The following BRD4 variants were observed in gnomAD, a reference collection of about 807,000 sequenced individuals.
BRD4 encodes the protein bromodomain-containing protein 4.
In BRD4, 16 loss-of-function variants were observed where a neutral mutation model predicts 142.1. The ratio of observed to expected loss-of-function variants is 0.11; its 90% CI spans 0.08 to 0.17. The LOEUF (loss-of-function observed/expected upper bound fraction) is 0.17, where lower values mean the gene tolerates loss of function less well. Ranked by LOEUF, BRD4 falls within the 10% of genes least tolerant of loss-of-function variation. The pLI is 1.00. For synonymous variants in BRD4, 833 were observed against 707.5 expected (o/e 1.18, Z -2.82); for missense variants, 1,424 against 1,810.9 (o/e 0.79, Z 3.88).
intron 11 of BRD4, chr19:15,247,571 C>T (rs552012969): frequency 2.1e-5 from 5 of 232,694 alleles, no homozygotes; most frequent in African/African-American, 6.6e-5. Flanking sequence ...TGTGCGCGTG[C>T]GTGCGTGTGT....
At chr19:15,318,382 G>A (rs2048033824) in intron 1 of BRD4, among the ~76,000 whole-genome samples, 1 of 152,170 alleles carries the variant, frequency 6.6e-6, no homozygotes, top group African/African-American at 2.4e-5. Flanking sequence ...CCCAATTACA[G>A]AAGTATGAAT....
chr19:15,327,639 C>G (rs2048120339), intron 1 of BRD4, among the ~76,000 whole-genome samples: 1 of 152,082 alleles, frequency 6.6e-6, no homozygotes, highest in African/African-American at 2.4e-5. Context: ...ATGTTCACCA[C>G]TAATGAATGG....
chr19:15,316,135 G>A (rs1300268567), intron 1 of BRD4, among the ~76,000 whole-genome samples: 19 of 116,022 alleles, frequency 1.6e-4, no homozygotes, highest in African/African-American at 5.9e-4. Context: ...CAGACTGGGC[G>A]ACAGAGCGAG....
Position 15,239,109 on chromosome 19 carries a change from C to T in BRD4, c.3732G>A (p.Gln1244=), listed in dbSNP as rs756432777. ...CCTTCTCCTTCTCAGCGTGCTCGGC[C>T]TGAGCCTTCAGGGCCTTCTCACGCT... is the stretch of plus-strand genomic sequence containing the variant. The part of the protein sequence containing the change: ...KEEREKALKA[Q]AEHAEKEKER... The change falls in exon 18 of 20, where the codon CAG becomes CAA. Residue 1244 remains glutamine, a synonymous_variant. Transcript: ENST00000679869. This position sits in a 1 kb window ranked among gnomAD's most constrained non-coding sequence, Gnocchi z 7.4. 6.2e-7 allele frequency: 1 copy of T among 1,609,094 alleles called. No individual in the cohort carries two copies. The highest frequency in any genetic ancestry group is 1.7e-5 in the Admixed American group (1 of 59,948).
intron 1 of BRD4, among the ~76,000 whole-genome samples, chr19:15,312,057 T>C (rs1432380924): frequency 6.6e-6 from 1 of 152,228 alleles, no homozygotes; most frequent in Admixed American, 6.5e-5. Flanking sequence ...CATTTTATGT[T>C]TTGAAACACA....
At position 15,237,726 on chromosome 19, in the gene BRD4, G is replaced by A. The variant is rs909994497; in HGVS notation, c.*651C>T. On this transcript the variant is annotated 3_prime_UTR_variant, in exon 20 of 20. Coordinates refer to ENST00000679869, the MANE Select transcript of BRD4 (RefSeq NM_001379291.1). ...CGAGGGCTACCCACGCAGGACAGTC[G>A]CCTCGCTCCGGATGCCATGGACACA... The A allele has an allele frequency of 1.7e-5, 4 of 232,410 alleles. No individual in the cohort carries two copies. Among genetic ancestry groups the A allele is most frequent in the East Asian group, 6.0e-5 (1 of 16,548 alleles). 14.4% of individuals were successfully genotyped at this position (232,410 alleles called of 1,614,324 possible).
intron 1 of BRD4, among the ~76,000 whole-genome samples, chr19:15,308,715 CTTAAACT>C (rs1328933840): frequency 2.0e-5 from 3 of 150,880 alleles, no homozygotes; most frequent in African/African-American, 7.3e-5. Flanking sequence ...GCTGAAACTC[CTTAAACT>C]TTAAACATCT....
intron 1 of BRD4, among the ~76,000 whole-genome samples, chr19:15,314,517 G>C (rs1422515439): frequency 6.6e-6 from 1 of 152,130 alleles, no homozygotes; most frequent in Non-Finnish European, 1.5e-5. Flanking sequence ...CTATTGGGAG[G>C]AGCCCTCACA....
chr19:15,307,314 G>A (rs1399078896), intron 1 of BRD4, among the ~76,000 whole-genome samples: 1 of 152,190 alleles, frequency 6.6e-6, no homozygotes, highest in Non-Finnish European at 1.5e-5. Flanking sequence ...AACAAGCAGA[G>A]CTAACTCTGA....
chr19:15,271,653 A>G (rs1307466313), intron 2 of BRD4, among the ~76,000 whole-genome samples: 1 of 151,988 alleles, frequency 6.6e-6, no homozygotes, highest in Non-Finnish European at 1.5e-5. Flanking sequence ...AGCTCCCCCA[A>G]CAGTCTCCCT....
chr19:15,273,597 A>G (rs1384703652), intron 1 of BRD4, among the ~76,000 whole-genome samples: 1 of 152,260 alleles, frequency 6.6e-6, no homozygotes, highest in Non-Finnish European at 1.5e-5. Context: ...AGCAAAGTCA[A>G]TCATTTCATT....
rs112419109 is a variant in BRD4 at position 15,303,438 on chromosome 19, A to G, written c.-35+28852T>C. ...GGGGGAGAAGACGGTTAGGCAACACAGTGCCAAATTCAAAACTCCGTACTA... is the reference window on the plus strand; with the variant it reads ...GGGGGAGAAGACGGTTAGGCAACACGGTGCCAAATTCAAAACTCCGTACTA... On this transcript the variant is annotated intron_variant, in intron 1 of 19. Coordinates refer to ENST00000679869, the MANE Select transcript of BRD4 (RefSeq NM_001379291.1). Among the ~76,000 whole-genome samples the G allele has an allele frequency of 6.1e-3, 934 of 152,314 alleles. 11 individuals are homozygous for G. Among genetic ancestry groups the G allele is most frequent in the African/African-American group, 0.021 (886 of 41,554 alleles).
rs764553987 is a variant in BRD4, at chr19:15,239,484, TCACAGGCCTCCCGACATC to T, written c.3466_3483del (p.Asp1156_Val1161del). On this transcript the variant is annotated inframe_deletion, in exon 17 of 20. Transcript: ENST00000679869. The surrounding 1 kb of genome is among the most constrained non-coding windows in gnomAD (Gnocchi z 7.4). Reference sequence around the variant, plus strand: ...GGTGCGTTCTGCTCTGGGGGCCGGATCACAGGCCTCCCGACATCCACAGGCTTCATTTCCGGCCCTGGA... The same window carrying T: ...GGTGCGTTCTGCTCTGGGGGCCGGATCACAGGCTTCATTTCCGGCCCTGGA... 1.2e-6 allele frequency: 2 copies of T among 1,613,972 alleles called. No homozygotes were observed. Among genetic ancestry groups the T allele is most frequent in the Non-Finnish European group, 1.7e-6 (2 of 1,179,984 alleles).
At chr19:15,247,813 G>A in intron 11 of BRD4, 1 of 232,422 alleles carries the variant, frequency 4.3e-6, no homozygotes, top group Non-Finnish European at 8.5e-6. Flanking sequence ...GAGCTTAACT[G>A]GAAGCTGGAT....
At position 15,237,254 on chromosome 19, in the gene BRD4, G is replaced by C. The variant is rs1222960818; in HGVS notation, c.*1123C>G. On this transcript the variant is annotated 3_prime_UTR_variant, in exon 20 of 20. Transcript: ENST00000679869. The stretch of plus-strand genomic sequence containing the variant: ...AAAGCCAACAAATGGGTGGGGGGGG[G>C]GGGGGTGGAGGGGAAAGAAAAGAAA... 1 of 114,874 alleles carries C rather than the reference G, an allele frequency of 8.7e-6. No individual in the cohort carries two copies. The highest frequency in any genetic ancestry group is 4.4e-4 in the South Asian group (1 of 2,250). The allele number at this position is 114,874 out of a possible 1,614,324, so 7.1% of individuals were successfully genotyped here. A position where few individuals can be genotyped will look rare whatever the true frequency, so the allele number is the denominator to read the frequency against.
chr19:15,269,262 G>A (rs1230500808), intron 2 of BRD4, among the ~76,000 whole-genome samples: 2 of 152,232 alleles, frequency 1.3e-5, no homozygotes, highest in Non-Finnish European at 2.9e-5. Context: ...AATTCAGAGG[G>A]AAACGTACAA....
intron 14 of BRD4, among the ~76,000 whole-genome samples, chr19:15,240,706 C>T (rs978128922): frequency 6.6e-6 from 1 of 152,232 alleles, no homozygotes; most frequent in Admixed American, 6.5e-5. Context: ...ACAGGGACTA[C>T]TGGGCCCTCA....
intron 1 of BRD4, among the ~76,000 whole-genome samples, chr19:15,294,062 T>C (rs2047804612): frequency 6.6e-6 from 1 of 152,214 alleles, no homozygotes; most frequent in African/African-American, 2.4e-5. Context: ...GGCTAATGAG[T>C]AGACTGAGGG....
chr19:15,326,448 A>G (rs1291127178), intron 1 of BRD4, among the ~76,000 whole-genome samples: 2 of 152,124 alleles, frequency 1.3e-5, no homozygotes, highest in African/African-American at 2.4e-5. Flanking sequence ...CAAAGACTTC[A>G]GCATAGGTGA....
Sources: gnomAD v4.1 joint callset for allele counts (sites outside exome capture counted in the v4.1 genomes callset) on GRCh38, gnomAD v4.1.1 for gene constraint, Gnocchi (gnomAD v3.1) non-coding constraint, MANE v1.5 for transcripts, NCBI Gene and HGNC (gene_info 2026-07-23, HGNC 2026-07-21) for gene names.